Variants in ADAMTS12 observed in about 807,000 individuals in gnomAD.
ADAMTS12 encodes the protein A disintegrin and metalloproteinase with thrombospondin motifs 12.
ADAMTS12 carries 118 observed loss-of-function variants against 167.8 expected under a neutral mutation model. The observed-to-expected ratio is 0.70, with a 90% CI of 0.61 to 0.82. ADAMTS12 has a LOEUF of 0.82. ADAMTS12 is among the 40% of genes least tolerant of loss of function. The pLI is 0.00. For missense variants in ADAMTS12, 1,916 were observed against 1,998.8 expected (o/e 0.96, Z 0.79); for synonymous variants, 704 against 716.9 (o/e 0.98, Z 0.29).
intron 2 of ADAMTS12, among the ~76,000 whole-genome samples, chr5:33,788,477 G>A (rs1746413332): frequency 6.6e-6 from 1 of 152,062 alleles, no homozygotes; most frequent in Admixed American, 6.6e-5. Context: ...AGAAAAGGTA[G>A]GACTGCTAAA....
chr5:33,749,603 A>G (rs1744906840), intron 3 of ADAMTS12, among the ~76,000 whole-genome samples: 1 of 152,144 alleles, frequency 6.6e-6, no homozygotes, highest in Non-Finnish European at 1.5e-5. Context: ...CCTGGTGGAA[A>G]TTCTATCTGG....
At chr5:33,657,280 C>T (rs2112208955) in intron 7 of ADAMTS12, among the ~76,000 whole-genome samples, 2 of 152,274 alleles carry the variant, frequency 1.3e-5, no homozygotes, top group Middle Eastern at 3.4e-3. Flanking sequence ...CCAATCCTGC[C>T]TCTTTTCTAG....
chr5:33,620,547 C>T (rs1157682184), intron 14 of ADAMTS12, among the ~76,000 whole-genome samples: 1 of 152,216 alleles, frequency 6.6e-6, no homozygotes, highest in Non-Finnish European at 1.5e-5. Context: ...AGTATTACTA[C>T]AGTCACTTTT....
At chr5:33,681,656 A>G (rs1579831237) in intron 5 of ADAMTS12, among the ~76,000 whole-genome samples, 1 of 152,214 alleles carries the variant, frequency 6.6e-6, no homozygotes, top group Admixed American at 6.5e-5. Flanking sequence ...ATGAAAAGCA[A>G]TAAGAGGGGT....
intron 2 of ADAMTS12, among the ~76,000 whole-genome samples, chr5:33,857,845 A>T (rs1442834733): frequency 6.6e-6 from 1 of 152,226 alleles, no homozygotes; most frequent in African/African-American, 2.4e-5. Context: ...CAAACAACAG[A>T]GATGCAAAAT....
At chr5:33,639,175 A>G (rs1196078193) in intron 11 of ADAMTS12, among the ~76,000 whole-genome samples, 1 of 152,214 alleles carries the variant, frequency 6.6e-6, no homozygotes, top group Non-Finnish European at 1.5e-5. Context: ...TAGTAGAGTA[A>G]CTAACACAGA....
Position 33,725,054 on chromosome 5 carries a change from C to T in ADAMTS12, c.634+26350G>A, listed in dbSNP as rs75477378. Among the ~76,000 whole-genome samples, 263 of 152,260 alleles carry T rather than the reference C, an allele frequency of 1.7e-3. 1 individual carries two copies. Among genetic ancestry groups the T allele is most frequent in the African/African-American group, 6.0e-3 (251 of 41,558 alleles). On this transcript the variant is annotated intron_variant, in intron 3 of 23. Coordinates refer to ENST00000504830, the MANE Select transcript of ADAMTS12 (RefSeq NM_030955.4). Reference sequence around the variant, plus strand: ...CCCATTTCATGATACTACTAAGGCTCGCTTGTTGCCAAGTTCTCCCTGACT... The same window carrying T: ...CCCATTTCATGATACTACTAAGGCTTGCTTGTTGCCAAGTTCTCCCTGACT...
chr5:33,809,653 G>A (rs10071596), intron 2 of ADAMTS12, among the ~76,000 whole-genome samples: 34,658 of 151,990 alleles, frequency 0.23, 4,514 homozygotes, highest in South Asian at 0.42. Flanking sequence ...TCCAGCAGGA[G>A]GAGACACACA....
chr5:33,780,381 T>G (rs1176423982), intron 2 of ADAMTS12, among the ~76,000 whole-genome samples: 2 of 152,304 alleles, frequency 1.3e-5, no homozygotes, highest in East Asian at 1.9e-4. Context: ...TCTGATCTCA[T>G]CATACAAGGT....
intron 18 of ADAMTS12, among the ~76,000 whole-genome samples, chr5:33,579,426 T>A (rs1024896612): frequency 3.3e-5 from 5 of 152,234 alleles, no homozygotes; most frequent in African/African-American, 1.2e-4. Context: ...GATAGTAACA[T>A]AATAGGAAAC....
chr5:33,774,429 G>GA (rs374158200), intron 2 of ADAMTS12, among the ~76,000 whole-genome samples: 35 of 151,042 alleles, frequency 2.3e-4, no homozygotes, highest in African/African-American at 7.5e-4. Flanking sequence ...ATGGTGTTAT[G>GA]AAAAAAAAAT....
intron 3 of ADAMTS12, among the ~76,000 whole-genome samples, chr5:33,719,401 C>CCAA (rs1295159931): frequency 5.3e-5 from 8 of 152,178 alleles, no homozygotes; most frequent in Non-Finnish European, 1.2e-4. Flanking sequence ...AAAAGTGATA[C>CCAA]AACTGTTTTT....
chr5:33,694,228 C>A (rs1303007444), intron 3 of ADAMTS12, among the ~76,000 whole-genome samples: 1 of 152,134 alleles, frequency 6.6e-6, no homozygotes, highest in African/African-American at 2.4e-5. Context: ...GGTCATACTG[C>A]CCAAAGCAAT....
chr5:33,737,394 G>A (rs1744412234), intron 3 of ADAMTS12, among the ~76,000 whole-genome samples: 1 of 152,216 alleles, frequency 6.6e-6, no homozygotes, highest in African/African-American at 2.4e-5. Context: ...AATTTGGAAA[G>A]TCAAATGGTG....
intron 3 of ADAMTS12, among the ~76,000 whole-genome samples, chr5:33,711,485 G>A (rs1743402211): frequency 6.6e-6 from 1 of 152,070 alleles, no homozygotes. Context: ...GCCCTGTCAG[G>A]TCTCACACCC....
chr5:33,573,262 A>G (rs1579686391), intron 19 of ADAMTS12, among the ~76,000 whole-genome samples: 1 of 152,296 alleles, frequency 6.6e-6, no homozygotes, highest in Admixed American at 6.5e-5. Flanking sequence ...TAAAGTTCAT[A>G]TGGAACCAAA....
chr5:33,776,971 A>G (rs1745935304), intron 2 of ADAMTS12, among the ~76,000 whole-genome samples: 1 of 152,160 alleles, frequency 6.6e-6, no homozygotes, highest in Non-Finnish European at 1.5e-5. Flanking sequence ...CCAAGTCTGA[A>G]TCATGAAGAA....
chr5:33,826,924 C>A (rs1490486956), intron 2 of ADAMTS12, among the ~76,000 whole-genome samples: 1 of 151,992 alleles, frequency 6.6e-6, no homozygotes, highest in Non-Finnish European at 1.5e-5. Context: ...TAGTAAAATA[C>A]CAAATTGGAG....
chr5:33,645,109 C>T (rs1740611630), intron 9 of ADAMTS12, among the ~76,000 whole-genome samples: 1 of 151,694 alleles, frequency 6.6e-6, no homozygotes, highest in Admixed American at 6.6e-5. Context: ...CCTTTATTTC[C>T]AGGCATCCAT....
Sources: allele counts gnomAD v4.1 joint callset (sites outside exome capture counted in the v4.1 genomes callset), GRCh38; gene constraint gnomAD v4.1.1; transcripts MANE v1.5; gene names NCBI Gene and HGNC (gene_info 2026-07-23, HGNC 2026-07-21).